RYR2: variants seen among roughly 807,000 people sequenced by gnomAD.
RYR2 encodes the protein ryanodine receptor 2, also known as cardiac muscle ryanodine receptor-calcium release channel.
RYR2 carries 227 observed loss-of-function variants against 601.1 expected under a neutral mutation model. That is an observed-to-expected ratio of 0.38 (90% CI 0.34 to 0.42). The LOEUF is 0.42. Among genes scored for constraint, RYR2 ranks in the 10% least tolerant of loss-of-function variants. The pLI, the probability that RYR2 is intolerant of heterozygous loss-of-function variation, is 1.00. For missense variants in RYR2, 4,646 were observed against 6,156.5 expected, an observed-to-expected ratio of 0.75 and a Z score of 8.21; for synonymous variants, 2,223 against 2,175.1, an observed-to-expected ratio of 1.02 and a Z score of -0.61.
Position 237,492,985 on chromosome 1 carries a change from G to T in RYR2, c.1859G>T (p.Cys620Phe). The T allele has an allele frequency of 6.2e-7, 1 of 1,604,398 alleles. No homozygotes were observed. Residue 620 changes from cysteine to phenylalanine, a missense_variant, in exon 19 of 105, where the codon TGC becomes TTC. By Grantham distance (205) the Cys-to-Phe change is radical. Coordinates refer to ENST00000366574, the MANE Select transcript of RYR2 (RefSeq NM_001035.3). Reference sequence around the variant, plus strand: ...GATGTCTTGTGCTCACTCTGTGTTTGCCACGGGGTTGCAGTCCGTTCTAAC... The same window carrying T: ...GATGTCTTGTGCTCACTCTGTGTTTTCCACGGGGTTGCAGTCCGTTCTAAC... ...VLDVLCSLCV[C>F]HGVAVRSNQH...
intron 17 of RYR2, among the ~76,000 whole-genome samples, chr1:237,472,997 A>G (rs1660906195): frequency 6.6e-6 from 1 of 151,666 alleles, no homozygotes. Context: ...CCTTGCTTTT[A>G]CTTTTTTTTT....
intron 2 of RYR2, among the ~76,000 whole-genome samples, chr1:237,311,239 T>C (rs1694529436): frequency 6.6e-6 from 1 of 152,190 alleles, no homozygotes; most frequent in African/African-American, 2.4e-5. Flanking sequence ...CTGATATTTC[T>C]CCATTTTCTA....
chr1:237,590,816 T>C lies in RYR2; in HGVS notation c.3984T>C (p.Phe1328=), dbSNP rs2148437910. 1.2e-6 allele frequency: 2 copies of C among 1,613,886 alleles called. No individual in the cohort carries two copies. The highest frequency in any genetic ancestry group is 1.7e-6 in the Non-Finnish European group (2 of 1,179,860). Residue 1328 remains phenylalanine (F), a synonymous_variant, in exon 31 of 105, where the codon TTT becomes TTC. Transcript: ENST00000366574. The part of the protein sequence containing the change: ...VAGGLPGAGL[F]GPKNDLEDYD... ...GAGGGCTCCCTGGGGCTGGCCTTTT[T>C]GGGCCCAAGAATGACTTGGAAGATT...
chr1:237,749,882 G>A (rs991310196), intron 80 of RYR2, among the ~76,000 whole-genome samples: 2 of 152,050 alleles, frequency 1.3e-5, no homozygotes, highest in African/African-American at 4.8e-5. Context: ...GCAGTGTATC[G>A]TGGCTGTAAT....
At chr1:237,425,678 T>C (rs1212944444) in intron 12 of RYR2, among the ~76,000 whole-genome samples, 1 of 151,652 alleles carries the variant, frequency 6.6e-6, no homozygotes, top group Non-Finnish European at 1.5e-5. Context: ...TTTCTATGCC[T>C]TAGGTGGAAG....
intron 8 of RYR2, among the ~76,000 whole-genome samples, chr1:237,385,688 G>A (rs1171881682): frequency 6.6e-6 from 1 of 152,204 alleles, no homozygotes; most frequent in East Asian, 1.9e-4. Context: ...GTGTGTGCCT[G>A]TGCACGTGCT....
At chr1:237,656,005 A>T (rs781607061) in intron 53 of RYR2, 21 bp downstream of exon 53, 4 of 1,608,714 alleles carry the variant, frequency 2.5e-6, no homozygotes, top group Non-Finnish European at 3.4e-6. Context: ...TTTCTATTGC[A>T]GCAGATTTTT....
intron 70 of RYR2, among the ~76,000 whole-genome samples, chr1:237,711,263 A>G (rs184666745): frequency 6.6e-6 from 1 of 152,310 alleles, no homozygotes; most frequent in East Asian, 1.9e-4. Context: ...TTTTCCCCAA[A>G]TATTTAAAGA....
intron 10 of RYR2, among the ~76,000 whole-genome samples, chr1:237,413,287 G>GCA (rs1463031957): frequency 6.6e-6 from 1 of 152,092 alleles, no homozygotes; most frequent in Non-Finnish European, 1.5e-5. Context: ...ACAATTCAGG[G>GCA]CACAAGAACC....
chr1:237,127,213 T>A (rs1378481281), intron 1 of RYR2, among the ~76,000 whole-genome samples: 2 of 152,184 alleles, frequency 1.3e-5, no homozygotes, highest in Non-Finnish European at 2.9e-5. Context: ...AACCATCCGA[T>A]TTCTCAATCT....
chr1:237,200,625 A>G (rs1309311555), intron 1 of RYR2, among the ~76,000 whole-genome samples: 1 of 152,186 alleles, frequency 6.6e-6, no homozygotes, highest in Admixed American at 6.5e-5. Flanking sequence ...AAGTAGGAAA[A>G]CTGCAGATTC....
intron 2 of RYR2, among the ~76,000 whole-genome samples, chr1:237,290,759 T>C (rs548620284): frequency 2.4e-4 from 36 of 152,270 alleles, no homozygotes; most frequent in African/African-American, 7.7e-4. Flanking sequence ...AAAATTTTAC[T>C]ATCAAAAATT....
chr1:237,375,172 A>G (rs1038685937), intron 7 of RYR2, among the ~76,000 whole-genome samples: 1 of 152,252 alleles, frequency 6.6e-6, no homozygotes, highest in Non-Finnish European at 1.5e-5. Flanking sequence ...TGATGCCAAC[A>G]TTCAAATAAA....
intron 29 of RYR2, among the ~76,000 whole-genome samples, chr1:237,579,633 G>A (rs1673670684): frequency 6.6e-6 from 1 of 152,086 alleles, no homozygotes; most frequent in South Asian, 2.1e-4. Flanking sequence ...TAGGAAAAAA[G>A]TGCATTCTTG....
At chr1:237,453,704 A>C (rs899859066) in intron 14 of RYR2, among the ~76,000 whole-genome samples, 1 of 152,172 alleles carries the variant, frequency 6.6e-6, no homozygotes. Flanking sequence ...CATGTTATAA[A>C]GTTCTTTTCA....
intron 1 of RYR2, among the ~76,000 whole-genome samples, chr1:237,161,331 T>A (rs1195839566): frequency 7.2e-6 from 1 of 139,216 alleles, no homozygotes; most frequent in Non-Finnish European, 1.6e-5. Context: ...AACACCCCTG[T>A]CTTCCCTGTC....
intron 5 of RYR2, among the ~76,000 whole-genome samples, chr1:237,368,426 A>G (rs994778205): frequency 6.6e-6 from 1 of 152,166 alleles, no homozygotes; most frequent in African/African-American, 2.4e-5. Flanking sequence ...GCAGTATGGC[A>G]TATTCAGGGA....
rs1468637813 is a variant in RYR2 at position 237,646,079 on chromosome 1, A to G, written c.7343-2365A>G. On this transcript the variant is annotated intron_variant, in intron 48 of 104. Coordinates refer to ENST00000366574, the MANE Select transcript of RYR2 (RefSeq NM_001035.3). ...TTTTTCGTAGACACGGGGTTTCACC[A>G]TGTTAGCCAGGATGGTCTCGATCTC... Among the ~76,000 whole-genome samples the G allele has an allele frequency of 3.3e-5, 5 of 152,056 alleles. No homozygotes were observed. In the South Asian group the frequency reaches 6.2e-4, roughly 19 times the overall value.
chr1:237,278,619 GGT>G (rs2149374508), intron 2 of RYR2, among the ~76,000 whole-genome samples: 1 of 152,190 alleles, frequency 6.6e-6, no homozygotes, highest in South Asian at 2.1e-4. Flanking sequence ...CCTGAGAGCT[GGT>G]GTTAAATTTT....
Sources: allele counts gnomAD v4.1 joint callset (sites outside exome capture counted in the v4.1 genomes callset), GRCh38; gene constraint gnomAD v4.1.1; transcripts MANE v1.5; gene names NCBI Gene and HGNC (gene_info 2026-07-23, HGNC 2026-07-21).